Variants in CADM2 observed in about 807,000 individuals in gnomAD.
CADM2 encodes cell adhesion molecule 2, also known as immunoglobulin superfamily member 4D.
CADM2 carries 12 observed loss-of-function variants against 49.8 expected under a neutral mutation model. The ratio of observed to expected loss-of-function variants is 0.24; its 90% CI spans 0.15 to 0.39. The LOEUF is 0.39. Among genes scored for constraint, CADM2 ranks in the 10% least tolerant of loss-of-function variants. CADM2 has a pLI of 1.00. For missense variants in CADM2, 378 were observed against 492.3 expected, an observed-to-expected ratio of 0.77 and a Z score of 2.20; for synonymous variants, 214 against 175.4, an observed-to-expected ratio of 1.22 and a Z score of -1.74.
intron 1 of CADM2, among the ~76,000 whole-genome samples, chr3:85,264,377 T>A (rs2107899397): frequency 6.6e-6 from 1 of 152,264 alleles, no homozygotes; most frequent in Admixed American, 6.6e-5. Context: ...GCTTTACAAA[T>A]GTTTTATGCC....
At chr3:84,992,217 C>A (rs553963479) in intron 1 of CADM2, among the ~76,000 whole-genome samples, 1 of 152,172 alleles carries the variant, frequency 6.6e-6, no homozygotes, top group African/African-American at 2.4e-5. Flanking sequence ...AATCTCTGTA[C>A]CTTCAGCTCA....
intron 6 of CADM2, among the ~76,000 whole-genome samples, chr3:85,926,705 C>A (rs1719924321): frequency 6.6e-6 from 1 of 151,740 alleles, no homozygotes; most frequent in African/African-American, 2.4e-5. Context: ...ATAAGAAGAA[C>A]CTGTTTTTAT....
intron 1 of CADM2, among the ~76,000 whole-genome samples, chr3:85,453,622 G>C (rs954279370): frequency 2.6e-5 from 4 of 151,824 alleles, no homozygotes; most frequent in African/African-American, 9.7e-5. Flanking sequence ...AAATAATAAT[G>C]ACAGAATGGA....
intron 2 of CADM2, among the ~76,000 whole-genome samples, chr3:85,769,344 CAT>C (rs2069887549): frequency 3.7e-5 from 4 of 107,452 alleles, no homozygotes; most frequent in African/African-American, 8.1e-5. Flanking sequence ...CACGTATATA[CAT>C]ATATACATAT....
chr3:85,096,314 G>T (rs2037792542), intron 1 of CADM2, among the ~76,000 whole-genome samples: 1 of 152,000 alleles, frequency 6.6e-6, no homozygotes, highest in African/African-American at 2.4e-5. Flanking sequence ...GCCAAATGTA[G>T]AGGTGAAGAA....
At chr3:85,552,740 G>A (rs1001490066) in intron 1 of CADM2, among the ~76,000 whole-genome samples, 1 of 147,156 alleles carries the variant, frequency 6.8e-6, no homozygotes, top group African/African-American at 2.5e-5. Context: ...GCAGTGGTGC[G>A]ATCCCGGCTC....
intron 1 of CADM2, among the ~76,000 whole-genome samples, chr3:85,226,685 G>T (rs1341279056): frequency 1.3e-5 from 2 of 151,128 alleles, no homozygotes; most frequent in Non-Finnish European, 1.5e-5. Flanking sequence ...GAATTTGTTT[G>T]CTCTTGCTTC....
intron 1 of CADM2, among the ~76,000 whole-genome samples, chr3:85,573,709 C>T (rs2062549285): frequency 6.6e-6 from 1 of 152,164 alleles, no homozygotes; most frequent in Non-Finnish European, 1.5e-5. Context: ...TCTCAGGTAT[C>T]TATGATCAAA....
chr3:85,846,941 G>C (rs1452654918), intron 3 of CADM2, among the ~76,000 whole-genome samples: 2 of 152,074 alleles, frequency 1.3e-5, no homozygotes, highest in Non-Finnish European at 2.9e-5. Context: ...CAAGCATAGA[G>C]CCCCACCAAA....
chr3:85,377,939 G>C (rs2033688055), intron 1 of CADM2, among the ~76,000 whole-genome samples: 1 of 152,008 alleles, frequency 6.6e-6, no homozygotes, highest in Non-Finnish European at 1.5e-5. Context: ...GTTTTTGGCA[G>C]TACATGATAG....
At chr3:85,039,368 AT>A (rs11348826) in intron 1 of CADM2, among the ~76,000 whole-genome samples, 82,337 of 145,776 alleles carry the variant, frequency 0.56, 23,018 homozygotes, top group Middle Eastern at 0.64. Context: ...AAGATAATGT[AT>A]TTTTTTTTTT....
chr3:85,637,076 TAC>T (rs2107538362), intron 1 of CADM2, among the ~76,000 whole-genome samples: 1 of 146,638 alleles, frequency 6.8e-6, no homozygotes, highest in South Asian at 2.3e-4. Flanking sequence ...ATTAACATTC[TAC>T]TCTTTCCTTT....
chr3:85,523,301 G>T (rs1449017170), intron 1 of CADM2, among the ~76,000 whole-genome samples: 1 of 152,150 alleles, frequency 6.6e-6, no homozygotes, highest in Admixed American at 6.6e-5. Flanking sequence ...AGAAGTTTGA[G>T]TTAGGAGTGT....
chr3:85,319,596 T>C (rs1576342633), intron 1 of CADM2, among the ~76,000 whole-genome samples: 1 of 151,370 alleles, frequency 6.6e-6, no homozygotes, highest in African/African-American at 2.4e-5. Flanking sequence ...ATATAAACCA[T>C]GGAATACTAT....
At chr3:85,230,487 A>G (rs1181030526) in intron 1 of CADM2, among the ~76,000 whole-genome samples, 2 of 152,224 alleles carry the variant, frequency 1.3e-5, no homozygotes, top group African/African-American at 4.8e-5. Flanking sequence ...GATTTTACTT[A>G]GTATTCACCT....
chr3:85,314,665 T>A lies in CADM2; in HGVS notation c.61+354997T>A, dbSNP rs1309948444. 7.2e-5 allele frequency among the ~76,000 whole-genome samples: 11 copies of A among 152,270 alleles called. No individual in the cohort carries two copies. The East Asian group carries it at 1.5e-3, about 21-fold the overall frequency. Reference sequence around the variant, plus strand: ...ATACCTCTTACTCAATAAATAAAACTTTTATTTTCAGTAAACTTGTTTTCA... The same window carrying A: ...ATACCTCTTACTCAATAAATAAAACATTTATTTTCAGTAAACTTGTTTTCA... On this transcript the variant is annotated intron_variant, in intron 1 of 9. Coordinates refer to ENST00000383699, the MANE Select transcript of CADM2 (RefSeq NM_001167675.2).
chr3:85,694,959 T>C lies in CADM2; in HGVS notation c.62-31563T>C, dbSNP rs536368341. ...AAAATAAAATAAAAAAAATAAAAGA[T>C]ACATGCAATGATAACTAATTGGCTC... On this transcript the variant is annotated intron_variant, in intron 1 of 9. Coordinates refer to ENST00000383699, the MANE Select transcript of CADM2 (RefSeq NM_001167675.2). Among the ~76,000 whole-genome samples, 70 of 152,150 alleles carry C rather than the reference T, an allele frequency of 4.6e-4. 1 individual carries two copies. The highest frequency in any genetic ancestry group is 1.6e-3 in the African/African-American group (68 of 41,538).
At chr3:85,533,135 T>A (rs2061353941) in intron 1 of CADM2, among the ~76,000 whole-genome samples, 2 of 152,168 alleles carry the variant, frequency 1.3e-5, no homozygotes, top group African/African-American at 4.8e-5. Context: ...AACCTGTACA[T>A]CTATCCCTAA....
chr3:85,016,571 T>A (rs2034256570), intron 1 of CADM2, among the ~76,000 whole-genome samples: 1 of 152,092 alleles, frequency 6.6e-6, no homozygotes, highest in Non-Finnish European at 1.5e-5. Context: ...GGCGGGGACA[T>A]CAGCTGAGGT....
Sources: allele counts gnomAD v4.1 joint callset (sites outside exome capture counted in the v4.1 genomes callset), GRCh38; gene constraint gnomAD v4.1.1; transcripts MANE v1.5; gene names NCBI Gene and HGNC (gene_info 2026-07-23, HGNC 2026-07-21).